The following LGR5 variants were observed in gnomAD, a reference collection of about 807,000 sequenced individuals.
LGR5 encodes the protein leucine rich repeat containing G protein-coupled receptor 5, also known as leucine-rich repeat-containing G protein-coupled receptor 5.
Under a neutral mutation model 76.7 loss-of-function variants are expected in LGR5, and 54 were observed. That is an observed-to-expected ratio of 0.70 (90% CI 0.57 to 0.88). The LOEUF (loss-of-function observed/expected upper bound fraction) is 0.88, where lower values mean the gene tolerates loss of function less well. Ranked by LOEUF, LGR5 falls within the 40% of genes least tolerant of loss-of-function variation. The probability of loss-of-function intolerance (pLI) is 0.00; values close to 1 mark genes in which losing one functional copy is unlikely to be tolerated. For synonymous variants in LGR5, 406 were observed against 421.9 expected, an observed-to-expected ratio of 0.96 and a Z score of 0.46; for missense variants, 1,078 against 1,073.3, an observed-to-expected ratio of 1.00 and a Z score of -0.06.
chr12:71,574,743 C>T (rs952136868), intron 13 of LGR5, among the ~76,000 whole-genome samples: 1 of 152,144 alleles, frequency 6.6e-6, no homozygotes, highest in Non-Finnish European at 1.5e-5. Context: ...CAGTGTTTCT[C>T]CTATTCCCAT....
Position 71,568,054 on chromosome 12 carries a change from A to G in LGR5, c.1070+1142A>G, listed in dbSNP as rs556552934. 2.4e-4 allele frequency among the ~76,000 whole-genome samples: 37 copies of G among 152,308 alleles called. No individual in the cohort carries two copies. The South Asian group carries it at 6.8e-3, about 28-fold the overall frequency. ...TAGAATTCTGCCTACCACACCCAGA[A>G]CAGGTATAATCATCCCCATTTCTCC... On this transcript the variant is annotated intron_variant, in intron 11 of 17. Coordinates refer to ENST00000266674, the MANE Select transcript of LGR5 (RefSeq NM_003667.4).
chr12:71,541,946 G>C (rs1320416582), intron 4 of LGR5, among the ~76,000 whole-genome samples: 2 of 152,280 alleles, frequency 1.3e-5, no homozygotes, highest in Middle Eastern at 3.4e-3. Context: ...AGAAGGAAAG[G>C]CTTAACAGAA....
chr12:71,535,286 C>T (rs2137367772), intron 4 of LGR5, 100 bp downstream of exon 4: 1 of 779,332 alleles, frequency 1.3e-6, no homozygotes, highest in East Asian at 2.6e-5. Flanking sequence ...GGTTGGGAGT[C>T]ATACCTAAAT....
intron 4 of LGR5, among the ~76,000 whole-genome samples, chr12:71,536,134 C>G (rs976304532): frequency 1.6e-4 from 25 of 152,202 alleles, no homozygotes; most frequent in African/African-American, 6.0e-4. Flanking sequence ...AAACAAAATA[C>G]TGGGTTGTAG....
At chr12:71,480,414 CCGGG>C (rs1264717960) in intron 1 of LGR5, among the ~76,000 whole-genome samples, 1 of 151,040 alleles carries the variant, frequency 6.6e-6, no homozygotes, top group East Asian at 2.0e-4. Context: ...AGCAGGCAGG[CCGGG>C]AGGTGTGACT....
chr12:71,536,407 C>T (rs1162002832), intron 4 of LGR5, among the ~76,000 whole-genome samples: 1 of 152,132 alleles, frequency 6.6e-6, no homozygotes, highest in African/African-American at 2.4e-5. Flanking sequence ...AACAAAGTGA[C>T]TTCCTAGGTT....
chr12:71,558,315 C>G (rs775689726), intron 6 of LGR5, among the ~76,000 whole-genome samples: 8 of 151,604 alleles, frequency 5.3e-5, no homozygotes, highest in Non-Finnish European at 1.0e-4. Context: ...TTTTTCCCCT[C>G]AATGTTTGGG....
At chr12:71,508,294 C>T (rs923543016) in intron 2 of LGR5, among the ~76,000 whole-genome samples, 4 of 152,048 alleles carry the variant, frequency 2.6e-5, no homozygotes, top group South Asian at 2.1e-4. Context: ...CTCTAATTAC[C>T]GGATATATCA....
At chr12:71,467,801 G>A (rs1190495747) in intron 1 of LGR5, among the ~76,000 whole-genome samples, 3 of 152,266 alleles carry the variant, frequency 2.0e-5, no homozygotes, top group South Asian at 2.1e-4. Flanking sequence ...AATGCTGTAA[G>A]TTCTAGAGAT....
At chr12:71,498,587 C>T (rs979733519) in intron 1 of LGR5, among the ~76,000 whole-genome samples, 5 of 152,184 alleles carry the variant, frequency 3.3e-5, no homozygotes, top group African/African-American at 1.2e-4. Context: ...TTTGTAAGGA[C>T]ACTAATCTCA....
At chr12:71,452,576 CTGAT>C (rs1872294182) in intron 1 of LGR5, among the ~76,000 whole-genome samples, 1 of 152,152 alleles carries the variant, frequency 6.6e-6, no homozygotes, top group South Asian at 2.1e-4. Context: ...ATTTGGCAGA[CTGAT>C]TGTTTGGAAT....
chr12:71,473,316 A>C (rs1873179178), intron 1 of LGR5, among the ~76,000 whole-genome samples: 1 of 152,124 alleles, frequency 6.6e-6, no homozygotes, highest in African/African-American at 2.4e-5. Context: ...TTTATAAATT[A>C]TCATCTTTTC....
At chr12:71,531,558 C>T (rs527395376) in intron 3 of LGR5, among the ~76,000 whole-genome samples, 4 of 151,998 alleles carry the variant, frequency 2.6e-5, no homozygotes, top group African/African-American at 9.6e-5. Flanking sequence ...TAGGAGGTAA[C>T]GTGGGGGTAG....
chr12:71,578,053 T>C (rs1878934892), intron 14 of LGR5, 57 bp downstream of exon 14: 1 of 1,352,590 alleles, frequency 7.4e-7, no homozygotes, highest in Admixed American at 1.7e-5. Context: ...GACCATCTAG[T>C]TAATTTTAAA....
At chr12:71,490,848 A>C (rs1258421161) in intron 1 of LGR5, among the ~76,000 whole-genome samples, 1 of 152,152 alleles carries the variant, frequency 6.6e-6, no homozygotes, top group African/African-American at 2.4e-5. Context: ...GTTTTATTTG[A>C]TGGGAAGTTT....
chr12:71,487,544 A>T (rs1424183440), intron 1 of LGR5, among the ~76,000 whole-genome samples: 2 of 152,152 alleles, frequency 1.3e-5, no homozygotes, highest in African/African-American at 4.8e-5. Context: ...CCTCCCAGGT[A>T]GCTGGAGCTA....
At chr12:71,526,628 T>C (rs2137347461) in intron 3 of LGR5, among the ~76,000 whole-genome samples, 1 of 152,286 alleles carries the variant, frequency 6.6e-6, no homozygotes, top group African/African-American at 2.4e-5. Context: ...TATAATCTAG[T>C]GACAGACTGT....
At chr12:71,538,500 A>G (rs1219950449) in intron 4 of LGR5, among the ~76,000 whole-genome samples, 1 of 151,882 alleles carries the variant, frequency 6.6e-6, no homozygotes, top group East Asian at 1.9e-4. Flanking sequence ...TGAGGATAGG[A>G]CTCATGCATG....
intron 1 of LGR5, among the ~76,000 whole-genome samples, chr12:71,470,705 C>T (rs1406562783): frequency 6.6e-6 from 1 of 152,140 alleles, no homozygotes; most frequent in Non-Finnish European, 1.5e-5. Flanking sequence ...ATCTTACTCC[C>T]ACCCCATCTC....
Sources: allele counts gnomAD v4.1 joint callset (sites outside exome capture counted in the v4.1 genomes callset), GRCh38; gene constraint gnomAD v4.1.1; transcripts MANE v1.5; gene names NCBI Gene and HGNC (gene_info 2026-07-23, HGNC 2026-07-21).